The following MSTO1 variants were observed in gnomAD, a reference collection of about 807,000 sequenced individuals.
MSTO1 encodes the protein protein misato homolog 1.
In MSTO1, 24 loss-of-function variants were observed where a neutral mutation model predicts 55.7. The ratio of observed to expected loss-of-function variants is 0.43; its 90% CI spans 0.31 to 0.61. MSTO1 has a LOEUF of 0.61. MSTO1 is among the 20% of genes least tolerant of loss of function. The pLI, the probability that MSTO1 is intolerant of heterozygous loss-of-function variation, is 0.09. For missense variants in MSTO1, 363 were observed against 625.7 expected, an observed-to-expected ratio of 0.58 and a Z score of 4.48; for synonymous variants, 162 against 252.8, an observed-to-expected ratio of 0.64 and a Z score of 3.41.
chr1:155,584,691 A>AAGAAAG, the MSTO1 span, among the ~76,000 whole-genome samples: 46 of 75,588 alleles, frequency 6.1e-4, no homozygotes, highest in East Asian at 1.5e-3. Flanking sequence ...AAAAAAAAAA[A>AAGAAAG]AAAGAAAGAA....
chr1:155,610,234 G>T lies in MSTO1; in HGVS notation c.-15G>T. The T allele has an allele frequency of 1.6e-6, 1 of 611,442 alleles. No individual in the cohort carries two copies. Among genetic ancestry groups the T allele is most frequent in the Non-Finnish European group, 2.9e-6 (1 of 339,130 alleles). The allele number at this position is 611,442 out of a possible 1,614,324, so 37.9% of individuals were successfully genotyped here. ...GGCGCGGCTGAGGCGCGGCGGCCCCGTGGAGCAGCGCAGTATGGCGGGCGG... is the reference window on the plus strand; with the variant it reads ...GGCGCGGCTGAGGCGCGGCGGCCCCTTGGAGCAGCGCAGTATGGCGGGCGG... On this transcript the variant is annotated 5_prime_UTR_variant, in exon 1 of 14. Coordinates refer to ENST00000245564, the MANE Select transcript of MSTO1 (RefSeq NM_018116.4).
At chr1:155,595,154 G>A in the MSTO1 span, among the ~76,000 whole-genome samples, 11 of 141,958 alleles carry the variant, frequency 7.7e-5, no homozygotes, top group Non-Finnish European at 1.2e-4. Context: ...AAAAAAAAAC[G>A]CTTTCCTGCT....
At chr1:155,591,036 G>A in the MSTO1 span, 1 of 1,613,884 alleles carries the variant, frequency 6.2e-7, no homozygotes, top group Non-Finnish European at 8.5e-7. Context: ...CAGCCTGCAG[G>A]TCCTGTGGCA....
At chr1:155,570,019 G>A in the MSTO1 span, among the ~76,000 whole-genome samples, 5 of 152,138 alleles carry the variant, frequency 3.3e-5, no homozygotes, top group Non-Finnish European at 5.9e-5. Context: ...TTAGTACCCA[G>A]AAATACCCAA....
intron 11 of MSTO1, 88 bp downstream of exon 11, chr1:155,613,321 C>T (rs1674737984): frequency 5.7e-6 from 9 of 1,574,238 alleles, no homozygotes; most frequent in South Asian, 1.2e-5. Context: ...TCTAATGATA[C>T]TGTTCCCTCC....
At chr1:155,587,102 G>C in the MSTO1 span, among the ~76,000 whole-genome samples, 1 of 152,172 alleles carries the variant, frequency 6.6e-6, no homozygotes, top group Non-Finnish European at 1.5e-5. Context: ...ATGGTATCTA[G>C]AGTCAAATGC....
chr1:155,597,182 G>C, the MSTO1 span, among the ~76,000 whole-genome samples: 3 of 152,122 alleles, frequency 2.0e-5, no homozygotes, highest in African/African-American at 7.2e-5. Context: ...CAGATGAGAA[G>C]ACAAGGTTGT....
the MSTO1 span, chr1:155,586,667 GA>G: frequency 1.9e-6 from 1 of 517,986 alleles, no homozygotes; most frequent in African/African-American, 1.9e-5. Flanking sequence ...GGACAATGCT[GA>G]AAGGAATAAC....
upstream of MSTO1, among the ~76,000 whole-genome samples, chr1:155,607,086 C>A (rs1042018635): frequency 3.9e-5 from 6 of 152,070 alleles, no homozygotes; most frequent in Admixed American, 3.3e-4. Flanking sequence ...CCCGCCTTGG[C>A]CTCCCAAAGT....
the MSTO1 span, among the ~76,000 whole-genome samples, chr1:155,592,647 G>A: frequency 3.5e-3 from 525 of 151,084 alleles, 2 homozygotes; most frequent in South Asian, 0.031. Context: ...TGTGGCTCCC[G>A]GGTTCAAGTG....
chr1:155,576,290 A>G, the MSTO1 span, among the ~76,000 whole-genome samples: 44 of 152,194 alleles, frequency 2.9e-4, 1 homozygote, highest in African/African-American at 1.0e-3. Flanking sequence ...TTTGGATACA[A>G]TTCGTTATCT....
chr1:155,587,157 T>C, the MSTO1 span, among the ~76,000 whole-genome samples: 14 of 152,184 alleles, frequency 9.2e-5, no homozygotes, highest in African/African-American at 3.4e-4. Flanking sequence ...AATAACTGTG[T>C]TTGGCCGGGC....
Position 155,612,873 on chromosome 1 carries a change from C to A in MSTO1, c.996C>A (p.Ile332=), listed in dbSNP as rs1236444491. 7.4e-6 allele frequency: 12 copies of A among 1,613,826 alleles called. No individual in the cohort carries two copies. Among genetic ancestry groups the A allele is most frequent in the Middle Eastern group, 3.3e-4 (2 of 6,056 alleles). ...CTCTGCCCTTCCACTGCAGTGCCAT[C>A]CTGGCTACAGCCCTGGACACAGTCA... ...DATLPFHCSA[I]LATALDTVTV... The change falls in exon 10 of 14, where the codon ATC becomes ATA. Residue 332 remains isoleucine (I), a synonymous_variant. Transcript: ENST00000245564.
At chr1:155,596,966 G>A in the MSTO1 span, among the ~76,000 whole-genome samples, 1 of 152,178 alleles carries the variant, frequency 6.6e-6, no homozygotes, top group African/African-American at 2.4e-5. Context: ...AATTAGACAG[G>A]TGTGGTGGTG....
At chr1:155,563,753 C>T in the MSTO1 span, 1 of 359,482 alleles carries the variant, frequency 2.8e-6, no homozygotes, top group African/African-American at 2.1e-5. Flanking sequence ...TAGGCAACTC[C>T]AAACATGCCT....
the MSTO1 span, among the ~76,000 whole-genome samples, chr1:155,600,583 T>G: frequency 2.0e-5 from 3 of 150,322 alleles, no homozygotes; most frequent in South Asian, 6.2e-4. Context: ...AGTCTTGCTC[T>G]GTCGCCCAGA....
At chr1:155,578,700 TG>T in the MSTO1 span, among the ~76,000 whole-genome samples, 1 of 151,014 alleles carries the variant, frequency 6.6e-6, no homozygotes, top group African/African-American at 2.4e-5. Flanking sequence ...TTAGTAGAGA[TG>T]GGGTTTCACC....
the MSTO1 span, among the ~76,000 whole-genome samples, chr1:155,580,802 G>A: frequency 2.0e-5 from 3 of 151,354 alleles, no homozygotes; most frequent in African/African-American, 7.3e-5. Flanking sequence ...ATCTGTACTC[G>A]GGAGGCTGAG....
At chr1:155,609,576 G>T (rs980676843), upstream of MSTO1, among the ~76,000 whole-genome samples, 1 of 152,036 alleles carries the variant, frequency 6.6e-6, no homozygotes, top group African/African-American at 2.4e-5. Flanking sequence ...GATCAGTGGT[G>T]GCGTATTCAT....
Sources: gnomAD v4.1 joint callset for allele counts (sites outside exome capture counted in the v4.1 genomes callset) on GRCh38, gnomAD v4.1.1 for gene constraint, MANE v1.5 for transcripts, NCBI Gene and HGNC (gene_info 2026-07-23, HGNC 2026-07-21) for gene names.